Variants in MYO1B observed in about 807,000 individuals in gnomAD.
The protein encoded by MYO1B is myosin IB.
Under a neutral mutation model 159.7 loss-of-function variants are expected in MYO1B, and 72 were observed. The ratio of observed to expected loss-of-function variants is 0.45; its 90% CI spans 0.37 to 0.55. The LOEUF (loss-of-function observed/expected upper bound fraction) is 0.55. Ranked by LOEUF, MYO1B falls within the 20% of genes least tolerant of loss-of-function variation. The pLI, the probability that MYO1B is intolerant of heterozygous loss-of-function variation, is 0.00. For synonymous variants in MYO1B, 468 were observed against 473.8 expected (o/e 0.99, Z 0.16); for missense variants, 1,062 against 1,364.8 (o/e 0.78, Z 3.50).
intron 23 of MYO1B, chr2:191,402,335 CAG>C (rs914282691): frequency 2.6e-4 from 100 of 382,590 alleles, no homozygotes; most frequent in African/African-American, 1.6e-3. Context: ...AGGCAGCGAA[CAG>C]AGAGAGAGAA....
At chr2:191,410,965 C>T in intron 26 of MYO1B, 101 bp from the exon 27 acceptor site, 2 of 667,730 alleles carry the variant, frequency 3.0e-6, no homozygotes, top group Non-Finnish European at 2.4e-6. Flanking sequence ...GTACTTTCTC[C>T]CTTATTCTTG....
At position 191,396,488 on chromosome 2, in the gene MYO1B, G is replaced by A. The variant is rs553097064; in HGVS notation, c.2286G>A (p.Arg762=). 10 of 1,614,054 alleles carry A rather than the reference G, an allele frequency of 6.2e-6. No individual in the cohort carries two copies. The Admixed American group carries it at 6.7e-5, about 11-fold the overall frequency. Residue 762 remains arginine, a synonymous_variant, in exon 21 of 31, where the codon CGG becomes CGA. Transcript: ENST00000392318. Reference sequence around the variant, plus strand: ...CCTTAGTAATTCAGTCTTATATCCGGGGTTGGAAGGTGAGTTTAAAAGAAG... The same window carrying A: ...CCTTAGTAATTCAGTCTTATATCCGAGGTTGGAAGGTGAGTTTAAAAGAAG... The part of the protein sequence containing the change: ...SSALVIQSYI[R]GWKARKILRE...
At chr2:191,422,569 T>C (rs1176775729) in intron 30 of MYO1B, among the ~76,000 whole-genome samples, 1 of 152,200 alleles carries the variant, frequency 6.6e-6, no homozygotes, top group East Asian at 1.9e-4. Context: ...TATATAAATA[T>C]TTTAATGGGT....
rs555597327 is a variant in MYO1B at position 191,333,611 on chromosome 2, G to A, written c.346+3582G>A. Among the ~76,000 whole-genome samples the A allele has an allele frequency of 1.1e-4, 16 of 152,146 alleles. No homozygotes were observed. In the South Asian group the frequency reaches 3.1e-3, roughly 30 times the overall value. Reference sequence around the variant, plus strand: ...TCTCATGAGGATTATTTGTAGCAGTGTCTAATGGGTTTCTCTCCTTTCTCT... The same window carrying A: ...TCTCATGAGGATTATTTGTAGCAGTATCTAATGGGTTTCTCTCCTTTCTCT... On this transcript the variant is annotated intron_variant, in intron 4 of 30. Coordinates refer to ENST00000392318, the MANE Select transcript of MYO1B (RefSeq NM_001130158.3).
chr2:191,264,310 T>C (rs1215496301), intron 1 of MYO1B, among the ~76,000 whole-genome samples: 4 of 152,192 alleles, frequency 2.6e-5, no homozygotes, highest in African/African-American at 9.6e-5. Flanking sequence ...GTTTACATAG[T>C]TTATTGGACT....
chr2:191,342,706 G>A, intron 5 of MYO1B, among the ~76,000 whole-genome samples: 1 of 152,124 alleles, frequency 6.6e-6, no homozygotes, highest in Non-Finnish European at 1.5e-5. Context: ...AATTAGCTGG[G>A]CGTGGTGGCA....
chr2:191,282,948 A>G (rs1688151606), intron 2 of MYO1B, among the ~76,000 whole-genome samples: 1 of 152,220 alleles, frequency 6.6e-6, no homozygotes, highest in Non-Finnish European at 1.5e-5. Context: ...AACATTGAGA[A>G]CAAATTGTGT....
intron 4 of MYO1B, 122 bp from the exon 5 acceptor site, chr2:191,341,339 T>G (rs1692208825): frequency 3.0e-6 from 2 of 656,292 alleles, no homozygotes; most frequent in African/African-American, 3.7e-5. Context: ...CATTATTTAC[T>G]CCTCTAGGAA....
At chr2:191,324,608 A>T (rs956459503) in intron 3 of MYO1B, among the ~76,000 whole-genome samples, 2 of 152,064 alleles carry the variant, frequency 1.3e-5, no homozygotes, top group Non-Finnish European at 2.9e-5. Flanking sequence ...CACTTTGCCC[A>T]TTGTCATTTA....
chr2:191,301,754 T>C (rs551228897), intron 3 of MYO1B, among the ~76,000 whole-genome samples: 1 of 152,348 alleles, frequency 6.6e-6, no homozygotes, highest in Non-Finnish European at 1.5e-5. Flanking sequence ...TCCACTTAGT[T>C]GCAATAGCAC....
intron 21 of MYO1B, 102 bp downstream of exon 21, chr2:191,396,599 TC>T: frequency 1.8e-6 from 2 of 1,087,596 alleles, no homozygotes; most frequent in South Asian, 1.3e-5. Flanking sequence ...CTCCTCTGTC[TC>T]CTGCCTCGCC....
intron 4 of MYO1B, among the ~76,000 whole-genome samples, chr2:191,331,015 G>A (rs1320482898): frequency 6.6e-6 from 1 of 152,154 alleles, no homozygotes; most frequent in Admixed American, 6.5e-5. Flanking sequence ...TGCCTTGAAA[G>A]GCTCACTATC....
chr2:191,284,950 CA>C (rs1233519478), intron 2 of MYO1B, among the ~76,000 whole-genome samples: 1 of 152,100 alleles, frequency 6.6e-6, no homozygotes, highest in Non-Finnish European at 1.5e-5. Flanking sequence ...CTGGTATTTT[CA>C]TTAGTTAGAT....
intron 16 of MYO1B, 75 bp downstream of exon 16, chr2:191,386,159 C>A: frequency 1.5e-6 from 2 of 1,364,726 alleles, no homozygotes; most frequent in Non-Finnish European, 2.0e-6. Flanking sequence ...CAGAGATGGG[C>A]GTTCGAAACC....
chr2:191,316,110 T>C (rs192600150), intron 3 of MYO1B, among the ~76,000 whole-genome samples: 1 of 152,358 alleles, frequency 6.6e-6, no homozygotes, highest in East Asian at 1.9e-4. Flanking sequence ...TTATTTGTTT[T>C]CTGTTTTCTC....
In MYO1B at chr2:191,393,868, G is replaced by C. The variant is rs559219101; in HGVS notation, c.2226+646G>C. On this transcript the variant is annotated intron_variant, in intron 20 of 30. Coordinates refer to ENST00000392318, the MANE Select transcript of MYO1B (RefSeq NM_001130158.3). ...TGTTGAAGGCATACCACAGGTATGAGAGAAGCCTGAAGGTTTGCCTCAGGG... is the reference window on the plus strand; with the variant it reads ...TGTTGAAGGCATACCACAGGTATGACAGAAGCCTGAAGGTTTGCCTCAGGG... Among the ~76,000 whole-genome samples, 4 of 151,712 alleles carry C rather than the reference G, an allele frequency of 2.6e-5. 1 individual carries two copies. The highest frequency in any genetic ancestry group is 2.0e-4 in the Admixed American group (3 of 15,280).
chr2:191,369,108 T>G (rs1417999731), intron 11 of MYO1B, among the ~76,000 whole-genome samples: 2 of 152,246 alleles, frequency 1.3e-5, no homozygotes, highest in African/African-American at 4.8e-5. Context: ...AGTTATCATA[T>G]TAAGTAGACA....
At position 191,363,439 on chromosome 2, in the gene MYO1B, C is replaced by T. The variant is rs368113086; in HGVS notation, c.766-289C>T. Among the ~76,000 whole-genome samples the T allele has an allele frequency of 7.9e-5, 12 of 152,112 alleles. No homozygotes were observed. The East Asian group carries it at 1.7e-3, about 22-fold the overall frequency. On this transcript the variant is annotated intron_variant, in intron 9 of 30. Transcript: ENST00000392318. ...TAGCAAAACCTCAGTGTAAAAAAAACGACATACATACAAACTGAGCTGCTG... is the reference window on the plus strand; with the variant it reads ...TAGCAAAACCTCAGTGTAAAAAAAATGACATACATACAAACTGAGCTGCTG...
At chr2:191,288,266 A>G (rs1688498894) in intron 2 of MYO1B, among the ~76,000 whole-genome samples, 1 of 151,750 alleles carries the variant, frequency 6.6e-6, no homozygotes, top group South Asian at 2.1e-4. Context: ...AAGAAGAAAG[A>G]AAGGTGGTGG....
Sources: allele counts gnomAD v4.1 joint callset (sites outside exome capture counted in the v4.1 genomes callset), GRCh38; gene constraint gnomAD v4.1.1; transcripts MANE v1.5; gene names NCBI Gene and HGNC (gene_info 2026-07-23, HGNC 2026-07-21).